SRPRA: variants seen among roughly 807,000 people sequenced by gnomAD.
The protein encoded by SRPRA is signal recognition particle receptor subunit alpha.
In SRPRA, 30 loss-of-function variants were observed where a neutral mutation model predicts 61.1. The ratio of observed to expected loss-of-function variants is 0.49; its 90% CI spans 0.37 to 0.67. The LOEUF (loss-of-function observed/expected upper bound fraction) is 0.67, where lower values mean the gene tolerates loss of function less well. Ranked by LOEUF, SRPRA falls within the 30% of genes least tolerant of loss-of-function variation. The pLI, the probability that SRPRA is intolerant of heterozygous loss-of-function variation, is 0.00. For missense variants in SRPRA, 759 were observed against 828.4 expected (o/e 0.92, Z 1.03); for synonymous variants, 324 against 299.7 (o/e 1.08, Z -0.84).
chr11:126,250,258 A>AT, the SRPRA span, among the ~76,000 whole-genome samples: 2 of 151,742 alleles, frequency 1.3e-5, no homozygotes, highest in East Asian at 3.9e-4. The surrounding 1 kb of genome is among the most constrained non-coding windows in gnomAD (Gnocchi z 5.1). Context: ...CGCCCTGCTA[A>AT]TTTTTTTTAT....
chr11:126,250,369 G>A, the SRPRA span: 10 of 617,406 alleles, frequency 1.6e-5, no homozygotes, highest in Middle Eastern at 9.0e-4. This position sits in a 1 kb window ranked among gnomAD's most constrained non-coding sequence, Gnocchi z 5.1. Context: ...GGGATTACAG[G>A]CGTGAGCCAC....
downstream of SRPRA, chr11:126,261,522 G>A: frequency 1.9e-6 from 3 of 1,548,742 alleles, no homozygotes; most frequent in East Asian, 2.2e-5. Flanking sequence ...TCACTCTGTA[G>A]CAGAAAGTCT....
chr11:126,244,294 A>G, the SRPRA span, among the ~76,000 whole-genome samples: 6 of 152,226 alleles, frequency 3.9e-5, no homozygotes, highest in Non-Finnish European at 7.3e-5. This position sits in a 1 kb window ranked among gnomAD's most constrained non-coding sequence, Gnocchi z 4.5. Context: ...GAAGAAGTAA[A>G]CTGCCTCTGT....
the SRPRA span, among the ~76,000 whole-genome samples, chr11:126,246,638 C>T: frequency 4.6e-5 from 7 of 152,116 alleles, no homozygotes; most frequent in East Asian, 1.4e-3. Context: ...AATGGGGTCT[C>T]CCTGTGTTGC....
At chr11:126,261,562 A>G (rs1043603663), downstream of SRPRA, 25 of 1,268,080 alleles carry the variant, frequency 2.0e-5, no homozygotes, top group African/African-American at 3.0e-5. Context: ...AATATAGAGA[A>G]TGTTACTTTG....
chr11:126,264,012 T>C lies in SRPRA; in HGVS notation c.1821A>G (p.Thr607=), dbSNP rs769552986. ...TGCCCACAAAGACGATGGGTTTGCT[T>C]GTGATGTACGTCATAGAAATAGCAG... is the stretch of plus-strand genomic sequence containing the variant. ...VGAAISMTYI[T]SKPIVFVGTG... Residue 607 remains threonine, a synonymous_variant, in exon 14 of 14, where the codon ACA becomes ACG. Transcript: ENST00000332118. The surrounding 1 kb of genome is among the most constrained non-coding windows in gnomAD (Gnocchi z 5.0). 11 of 1,614,000 alleles carry C rather than the reference T, an allele frequency of 6.8e-6. No homozygotes were observed. In the African/African-American group the frequency reaches 1.3e-4, roughly 20 times the overall value.
the SRPRA span, among the ~76,000 whole-genome samples, chr11:126,246,113 TTAATAA>T: frequency 6.6e-6 from 1 of 151,904 alleles, no homozygotes; most frequent in African/African-American, 2.4e-5. Context: ...CTATTACAAC[TTAATAA>T]TAAAAATGAT....
downstream of SRPRA, among the ~76,000 whole-genome samples, chr11:126,258,094 C>A (rs1431746843): frequency 6.6e-6 from 1 of 152,156 alleles, no homozygotes; most frequent in Non-Finnish European, 1.5e-5. Flanking sequence ...TCATTGTCAA[C>A]CTGAATGCAT....
rs771414978 is a variant in SRPRA, at chr11:126,267,377, G to A, written c.366-42C>T. On this transcript the variant is annotated intron_variant, in intron 3 of 13. Transcript: ENST00000332118. The surrounding 1 kb of genome is among the most constrained non-coding windows in gnomAD (Gnocchi z 4.2). ...ATGGTTTATCTTTCTACCCCATGCA[G>A]AAGGAAAAATAACGGTCCAGAGAAA... is the stretch of plus-strand genomic sequence containing the variant. 12 of 1,605,206 alleles carry A rather than the reference G, an allele frequency of 7.5e-6. No individual in the cohort carries two copies. The African/African-American group carries it at 1.2e-4, about 16-fold the overall frequency.
rs1195218353 is a variant in SRPRA, at chr11:126,267,663, T to A, written c.251A>T (p.Asp84Val). 6.2e-7 allele frequency: 1 copy of A among 1,614,178 alleles called. No homozygotes were observed. The highest frequency in any genetic ancestry group is 8.5e-7 in the Non-Finnish European group (1 of 1,180,042). ...LTLTYVDKLI[D>V]DVHRLFRDKY... The stretch of plus-strand genomic sequence containing the variant: ...GTCCCGAAACAGCCGATGCACGTCA[T>A]CTATCAATTTGTCTACATATGTCAG... Residue 84 changes from aspartate to valine, a missense_variant, in exon 3 of 14, where the codon GAT (aspartate) becomes GTT (valine). This residue lies in a region of SRPRA where 475 missense variants were observed against 462.5 expected (regional missense o/e 1.03). Coordinates refer to ENST00000332118, the MANE Select transcript of SRPRA (RefSeq NM_003139.4). This position sits in a 1 kb window ranked among gnomAD's most constrained non-coding sequence, Gnocchi z 4.2.
Position 126,267,855 on chromosome 11 carries a change from T to G in SRPRA, c.202-143A>C. The G allele has an allele frequency of 7.2e-7, 1 of 1,388,704 alleles. No homozygotes were observed. Among genetic ancestry groups the G allele is most frequent in the Non-Finnish European group, 1.0e-6 (1 of 1,001,396 alleles). The allele number at this position is 1,388,704 out of a possible 1,614,324, so 86.0% of individuals were successfully genotyped here. On this transcript the variant is annotated intron_variant, in intron 2 of 13. Coordinates refer to ENST00000332118, the MANE Select transcript of SRPRA (RefSeq NM_003139.4). The surrounding 1 kb of genome is among the most constrained non-coding windows in gnomAD (Gnocchi z 4.2). ...CTGAGAGGCAGCCAAGCTCCCTGCC[T>G]GGGCCCAGTAGCTGCTGTTTTCCCC...
the SRPRA span, among the ~76,000 whole-genome samples, chr11:126,235,973 T>C: frequency 6.6e-6 from 1 of 152,264 alleles, no homozygotes; most frequent in Non-Finnish European, 1.5e-5. Flanking sequence ...TTGCTTTCAA[T>C]GTATTCTCAC....
chr11:126,265,294 C>T lies in SRPRA; in HGVS notation c.1285G>A (p.Val429Met), dbSNP rs767945778. 6.2e-7 allele frequency: 1 copy of T among 1,614,190 alleles called. No homozygotes were observed. Residue 429 changes from valine (V) to methionine (M), a missense_variant, in exon 10 of 14, where the codon GTG becomes ATG. Val to Met is a conservative substitution (Grantham distance 21). Transcript: ENST00000332118. This position sits in a 1 kb window ranked among gnomAD's most constrained non-coding sequence, Gnocchi z 6.3. Reference protein sequence around the residue: ...YVVTFCGVNGVGKSTNLAKIS... With the variant: ...YVVTFCGVNGMGKSTNLAKIS... ...TTGGCAAGATTAGTAGATTTCCCCA[C>T]TCCATTAACGCCGCAGAAGGTGACG...
chr11:126,265,568 G>T lies in SRPRA; in HGVS notation c.1139-128C>A. 8.1e-7 allele frequency: 1 copy of T among 1,240,578 alleles called. No homozygotes were observed. The highest frequency in any genetic ancestry group is 1.1e-6 in the Non-Finnish European group (1 of 888,360). 76.8% of individuals were successfully genotyped at this position (1,240,578 alleles called of 1,614,324 possible). A position where few individuals can be genotyped will look rare whatever the true frequency, so the allele number is the denominator to read the frequency against. ...ACTCTTGTCCCAGAAATCCAGAACA[G>T]ACGCACATTACAAGGACTAACTCAC... On this transcript the variant is annotated intron_variant, in intron 9 of 13. Transcript: ENST00000332118. The surrounding 1 kb of genome is among the most constrained non-coding windows in gnomAD (Gnocchi z 6.3).
chr11:126,236,729 T>C, the SRPRA span, among the ~76,000 whole-genome samples: 6 of 152,038 alleles, frequency 3.9e-5, no homozygotes, highest in Non-Finnish European at 7.4e-5. Context: ...ACTTCTTGTA[T>C]TAAGTCTCTA....
At chr11:126,250,528 C>G in the SRPRA span, 1 of 1,613,876 alleles carries the variant, frequency 6.2e-7, no homozygotes, top group Admixed American at 1.7e-5. This position sits in a 1 kb window ranked among gnomAD's most constrained non-coding sequence, Gnocchi z 5.1. Flanking sequence ...GTTCGATCCA[C>G]ATTTTTCAAG....
rs756116105 is a variant in SRPRA at position 126,266,925 on chromosome 11, G to A, written c.527-3C>T. On this transcript the variant is annotated splice_polypyrimidine_tract_variant and splice_region_variant and intron_variant, in intron 4 of 13. Coordinates refer to ENST00000332118, the MANE Select transcript of SRPRA (RefSeq NM_003139.4). ...GGTAGCCAAAGGACCATCAGAACCT[G>A]TTGGGGAAAAAACTCACTGAAGAAA... The A allele has an allele frequency of 6.2e-7, 1 of 1,609,822 alleles. No individual in the cohort carries two copies.
At chr11:126,257,529 G>A in the SRPRA span, among the ~76,000 whole-genome samples, 1 of 150,590 alleles carries the variant, frequency 6.6e-6, no homozygotes, top group Non-Finnish European at 1.5e-5. Context: ...AAAAAAAAAA[G>A]TTAGAGACAT....
At chr11:126,248,975 G>C in the SRPRA span, among the ~76,000 whole-genome samples, 8 of 152,206 alleles carry the variant, frequency 5.3e-5, no homozygotes, top group Non-Finnish European at 1.5e-5. Context: ...TGTAAAGCCA[G>C]TTTCCCACCT....
Sources: allele counts gnomAD v4.1 joint callset (sites outside exome capture counted in the v4.1 genomes callset), GRCh38; gene constraint gnomAD v4.1.1; regional missense constraint gnomAD v4.1.1; non-coding constraint Gnocchi (gnomAD v3.1); transcripts MANE v1.5; gene names NCBI Gene and HGNC (gene_info 2026-07-23, HGNC 2026-07-21).